The following BARD1 variants were observed in gnomAD, a reference collection of about 807,000 sequenced individuals.
The protein encoded by BARD1 is BRCA1 associated RING domain 1, also known as BRCA1-associated RING domain protein 1.
A neutral mutation model predicts 77.0 loss-of-function variants in BARD1; 73 were observed. The ratio of observed to expected loss-of-function variants is 0.95; its 90% CI spans 0.79 to 1.15. The LOEUF is 1.15. Among genes scored for constraint, BARD1 ranks in the 50% most tolerant of loss-of-function variants. The probability of loss-of-function intolerance (pLI) is 0.00; values close to 1 mark genes in which losing one functional copy is unlikely to be tolerated. For missense variants in BARD1, 993 were observed against 938.8 expected (o/e 1.06, Z -0.75); for synonymous variants, 384 against 338.0 (o/e 1.14, Z -1.49).
chr2:214,796,245 C>T (rs1422923747), intron 2 of BARD1, among the ~76,000 whole-genome samples: 3 of 152,144 alleles, frequency 2.0e-5, no homozygotes, highest in African/African-American at 2.4e-5. Context: ...AGGGCCATCA[C>T]ATGGATATAA....
intron 6 of BARD1, among the ~76,000 whole-genome samples, chr2:214,758,860 G>C (rs1210535970): frequency 5.9e-5 from 9 of 152,188 alleles, no homozygotes. Context: ...TAATAAAAGA[G>C]AGAAAGGAGA....
intron 1 of BARD1, among the ~76,000 whole-genome samples, chr2:214,802,214 C>T (rs776856579): frequency 2.0e-5 from 3 of 152,142 alleles, no homozygotes; most frequent in South Asian, 2.1e-4. Flanking sequence ...ATATGCAGTA[C>T]AATGCTGGGC....
At chr2:214,742,844 T>C (rs1035279920) in intron 9 of BARD1, among the ~76,000 whole-genome samples, 2 of 152,246 alleles carry the variant, frequency 1.3e-5, no homozygotes, top group Non-Finnish European at 2.9e-5. Context: ...TCTTTATTAC[T>C]GCGACCTTAC....
rs1481891159 is a variant in BARD1 at position 214,727,698 on chromosome 2, AAATCAAGT to A, written c.*970_*977del. On this transcript the variant is annotated 3_prime_UTR_variant, in exon 11 of 11. Transcript: ENST00000260947. ...GTATGATCTGGAAAAAATCTGTTGT[AAATCAAGT>A]AATCACCAACTTCTGCCTCCATGCC... 4.8e-5 allele frequency: 11 copies of A among 228,864 alleles called. No individual in the cohort carries two copies. The allele number at this position is 228,864 out of a possible 1,614,324, so 14.2% of individuals were successfully genotyped here.
At chr2:214,773,001 T>C (rs1391758536) in intron 4 of BARD1, among the ~76,000 whole-genome samples, 2 of 152,180 alleles carry the variant, frequency 1.3e-5, no homozygotes, top group Non-Finnish European at 2.9e-5. Flanking sequence ...CAAGGCTTAT[T>C]AAAAATTTTA....
intron 6 of BARD1, among the ~76,000 whole-genome samples, chr2:214,766,400 A>C (rs1180030320): frequency 6.6e-6 from 1 of 152,248 alleles, no homozygotes; most frequent in East Asian, 1.9e-4. Flanking sequence ...TATTTAAAAT[A>C]ATTCCAAACT....
At chr2:214,770,111 T>C (rs10932573) in intron 4 of BARD1, among the ~76,000 whole-genome samples, 69,481 of 152,000 alleles carry the variant, frequency 0.46, 16,408 homozygotes, top group Non-Finnish European at 0.51. Flanking sequence ...ACCTTATTTG[T>C]TCAACATTTT....
At chr2:214,763,346 T>G (rs1025560336) in intron 6 of BARD1, among the ~76,000 whole-genome samples, 7 of 152,196 alleles carry the variant, frequency 4.6e-5, no homozygotes, top group African/African-American at 1.7e-4. Context: ...ATCAGTGCTT[T>G]AACAGACTGT....
intron 9 of BARD1, among the ~76,000 whole-genome samples, chr2:214,741,249 C>T (rs1442281974): frequency 6.6e-6 from 1 of 151,892 alleles, no homozygotes; most frequent in African/African-American, 2.4e-5. Context: ...TTTATTTAAA[C>T]TTAGATGAGA....
chr2:214,739,712 CATTTAAG>C (rs774703614), intron 9 of BARD1, among the ~76,000 whole-genome samples: 30 of 152,098 alleles, frequency 2.0e-4, no homozygotes, highest in Middle Eastern at 3.4e-3. Flanking sequence ...TAAATGTTTC[CATTTAAG>C]ATTTGAGATA....
At chr2:214,735,541 C>A (rs1692534096) in intron 9 of BARD1, among the ~76,000 whole-genome samples, 2 of 152,162 alleles carry the variant, frequency 1.3e-5, no homozygotes, top group Admixed American at 6.5e-5. Context: ...CTGTTTATTA[C>A]TTCCAATTCA....
Position 214,730,397 on chromosome 2 carries a change from T to C in BARD1, c.2001+14A>G. 6.2e-7 allele frequency: 1 copy of C among 1,606,400 alleles called. No homozygotes were observed. The highest frequency in any genetic ancestry group is 1.1e-5 in the South Asian group (1 of 90,898). On this transcript the variant is annotated intron_variant, in intron 10 of 10. Coordinates refer to ENST00000260947, the MANE Select transcript of BARD1 (RefSeq NM_000465.4). ...ATAATAAGAACAATGAAAGTTGTAT[T>C]AAAAGAAAAATACCAGCTGTTCTCT...
chr2:214,762,323 T>C (rs1377664018), intron 6 of BARD1, among the ~76,000 whole-genome samples: 1 of 152,150 alleles, frequency 6.6e-6, no homozygotes, highest in Non-Finnish European at 1.5e-5. Context: ...TTCCAAAATC[T>C]GAAAGAAATC....
At position 214,726,243 on chromosome 2, in the gene BARD1, AT is replaced by A. The variant is rs1351649213; in HGVS notation, c.*2432del. 1 of 204,034 alleles carries A rather than the reference AT, an allele frequency of 4.9e-6. No individual in the cohort carries two copies. Among genetic ancestry groups the A allele is most frequent in the African/African-American group, 2.3e-5 (1 of 43,858 alleles). The allele number at this position is 204,034 out of a possible 1,614,324, so 12.6% of individuals were successfully genotyped here. ...AAAAGAAAAAACAATTGAGATAGAT[AT>A]GGTAAAGTATTAGCAGAGACAGAAA... On this transcript the variant is annotated 3_prime_UTR_variant, in exon 11 of 11. Transcript: ENST00000260947.
chr2:214,735,677 T>C (rs2105999765), intron 9 of BARD1, among the ~76,000 whole-genome samples: 1 of 152,280 alleles, frequency 6.6e-6, no homozygotes, highest in East Asian at 1.9e-4. Context: ...CACACTGAAA[T>C]ATAACTTAGT....
Position 214,728,448 on chromosome 2 carries a change from A to C in BARD1, c.*228T>G, listed in dbSNP as rs892213609. 1.1e-5 allele frequency: 6 copies of C among 551,084 alleles called. No individual in the cohort carries two copies. The highest frequency in any genetic ancestry group is 3.2e-5 in the Admixed American group (1 of 31,348). The allele number at this position is 551,084 out of a possible 1,614,324, so 34.1% of individuals were successfully genotyped here. ...GAATAGAAAGACATGATAAATCAAA[A>C]ACATGCCAATTTTAAAAAGAAAAAC... On this transcript the variant is annotated 3_prime_UTR_variant, in exon 11 of 11. Coordinates refer to ENST00000260947, the MANE Select transcript of BARD1 (RefSeq NM_000465.4).
chr2:214,779,779 C>A (rs1054683646), intron 4 of BARD1, among the ~76,000 whole-genome samples: 1 of 152,182 alleles, frequency 6.6e-6, no homozygotes, highest in Non-Finnish European at 1.5e-5. Context: ...GCTGAGACTG[C>A]ATAAAAGCTA....
rs1692058742 is a variant in BARD1 at position 214,725,783 on chromosome 2, AG to A, written c.*2892del. 1 of 144,660 alleles carries A rather than the reference AG, an allele frequency of 6.9e-6. No homozygotes were observed. The allele number at this position is 144,660 out of a possible 1,614,324, so 9.0% of individuals were successfully genotyped here. ...AATGGTGGCTTTTAGTAATTAAATA[AG>A]ACAAGCATTAGTTCCTACCATTTTA... On this transcript the variant is annotated 3_prime_UTR_variant, in exon 11 of 11. Transcript: ENST00000260947.
At chr2:214,790,241 A>G (rs1695454228) in intron 3 of BARD1, among the ~76,000 whole-genome samples, 1 of 152,088 alleles carries the variant, frequency 6.6e-6, no homozygotes, top group Admixed American at 6.6e-5. Context: ...AAAATGTTAT[A>G]TTGTTATAAA....
Sources: gnomAD v4.1 joint callset for allele counts (sites outside exome capture counted in the v4.1 genomes callset) on GRCh38, gnomAD v4.1.1 for gene constraint, MANE v1.5 for transcripts, NCBI Gene and HGNC (gene_info 2026-07-23, HGNC 2026-07-21) for gene names.